The following PRKAR1A variants were observed in gnomAD, a reference collection of about 807,000 sequenced individuals.
PRKAR1A encodes protein kinase cAMP-dependent type I regulatory subunit alpha, also known as cAMP-dependent protein kinase type I-alpha regulatory subunit.
A neutral mutation model predicts 52.0 loss-of-function variants in PRKAR1A; 3 were observed. That is an observed-to-expected ratio of 0.06 (90% CI 0.03 to 0.15). The LOEUF is 0.15. Among genes scored for constraint, PRKAR1A ranks in the 10% least tolerant of loss-of-function variants. PRKAR1A has a pLI of 1.00. For missense variants in PRKAR1A, 240 were observed against 477.4 expected, an observed-to-expected ratio of 0.50 and a Z score of 4.63; for synonymous variants, 188 against 168.4, an observed-to-expected ratio of 1.12 and a Z score of -0.90.
chr17:68,440,138 T>C, the PRKAR1A span, among the ~76,000 whole-genome samples: 1 of 152,202 alleles, frequency 6.6e-6, no homozygotes, highest in Non-Finnish European at 1.5e-5. Context: ...ACCACTTATT[T>C]GACAGTTTTG....
At chr17:68,528,006 C>A in intron 8 of PRKAR1A, 106 bp downstream of exon 8, 1 of 994,226 alleles carries the variant, frequency 1.0e-6, no homozygotes, top group Non-Finnish European at 1.6e-6. Context: ...TACTCATTCC[C>A]CCTGAAAAGA....
chr17:68,545,329 C>T (rs193252635), intron 11 of PRKAR1A, among the ~76,000 whole-genome samples: 44 of 152,284 alleles, frequency 2.9e-4, no homozygotes, highest in Non-Finnish European at 4.1e-4. Context: ...GGAGATATTG[C>T]AGGTTTGCTT....
At chr17:68,480,357 G>T in the PRKAR1A span, among the ~76,000 whole-genome samples, 1 of 152,108 alleles carries the variant, frequency 6.6e-6, no homozygotes, top group Non-Finnish European at 1.5e-5. Flanking sequence ...TTCCAGGGAG[G>T]TTTTTGTTTC....
the PRKAR1A span, among the ~76,000 whole-genome samples, chr17:68,491,684 C>A: frequency 4.9e-3 from 738 of 152,044 alleles, 4 homozygotes; most frequent in Non-Finnish European, 7.4e-3. Context: ...ATTCATTTGC[C>A]CTCTTGACAT....
chr17:68,533,075 C>T lies in PRKAR1A; in HGVS notation c.*2626C>T. ...TGGTTCTGTGGCCTTGGAACTTTCC[C>T]AGACTTAATGGGGAAACATCATTTC... On this transcript the variant is annotated 3_prime_UTR_variant, in exon 11 of 11. Transcript: ENST00000589228. The T allele has an allele frequency of 9.4e-7, 1 of 1,065,594 alleles. No homozygotes were observed. The highest frequency in any genetic ancestry group is 1.1e-6 in the Non-Finnish European group (1 of 879,520). 66.0% of individuals were successfully genotyped at this position (1,065,594 alleles called of 1,614,324 possible).
At chr17:68,427,111 CCT>C in the PRKAR1A span, 7 of 1,588,728 alleles carry the variant, frequency 4.4e-6, no homozygotes, top group Non-Finnish European at 5.2e-6. Flanking sequence ...GAGATGCTCC[CCT>C]GTTGGCCCCG....
At chr17:68,451,844 G>A in the PRKAR1A span, among the ~76,000 whole-genome samples, 2 of 152,204 alleles carry the variant, frequency 1.3e-5, no homozygotes, top group African/African-American at 4.8e-5. Context: ...ACCCTCCTGA[G>A]CACAAAGGTT....
chr17:68,422,720 C>CTCTA, the PRKAR1A span: 1 of 107,236 alleles, frequency 9.3e-6, no homozygotes, highest in Non-Finnish European at 1.8e-5. Context: ...CAGAGTGAGA[C>CTCTA]TCTATCATCT....
chr17:68,420,547 A>G, the PRKAR1A span: 1 of 1,452,594 alleles, frequency 6.9e-7, no homozygotes, highest in Non-Finnish European at 9.5e-7. Flanking sequence ...CTCTTTACAA[A>G]CACACGCTTT....
the PRKAR1A span, chr17:68,434,756 T>C: frequency 7.0e-5 from 58 of 833,004 alleles, no homozygotes; most frequent in East Asian, 1.4e-3. Flanking sequence ...ACGTTGAGCA[T>C]AGAGGCATGT....
intron 11 of PRKAR1A, chr17:68,539,497 G>T: frequency 9.2e-7 from 1 of 1,086,878 alleles, no homozygotes; most frequent in Non-Finnish European, 1.4e-6. Flanking sequence ...AGAGATTGGG[G>T]TAAAATGCCA....
the PRKAR1A span, chr17:68,457,370 T>C: frequency 6.5e-7 from 1 of 1,542,474 alleles, no homozygotes; most frequent in Non-Finnish European, 8.7e-7. Context: ...GAGAAGCAGC[T>C]GAGCGCCGAC....
chr17:68,530,488 T>G lies in PRKAR1A; in HGVS notation c.*39T>G, dbSNP rs768256259. ...TGCCTCCCTTTTCTCCTCTCCCCAA[T>G]CCATGCTTCACTCATGCAAACTGCT... On this transcript the variant is annotated 3_prime_UTR_variant, in exon 11 of 11. Transcript: ENST00000589228. 6.2e-6 allele frequency: 10 copies of G among 1,613,834 alleles called. No homozygotes were observed. The highest frequency in any genetic ancestry group is 8.5e-6 in the Non-Finnish European group (10 of 1,179,850).
intron 2 of PRKAR1A, among the ~76,000 whole-genome samples, chr17:68,517,783 A>G (rs1205870538): frequency 6.6e-6 from 1 of 152,184 alleles, no homozygotes; most frequent in East Asian, 1.9e-4. Flanking sequence ...AGTCCCTCAG[A>G]GTCTTAACTC....
At chr17:68,548,723 A>ATTTTTT (rs200833117) in intron 11 of PRKAR1A, among the ~76,000 whole-genome samples, 9 of 117,944 alleles carry the variant, frequency 7.6e-5, no homozygotes, top group Non-Finnish European at 1.0e-4. Flanking sequence ...CTATGCCTGT[A>ATTTTTT]TATTTTTTTT....
the PRKAR1A span, among the ~76,000 whole-genome samples, chr17:68,464,206 A>G: frequency 6.6e-6 from 1 of 152,218 alleles, no homozygotes; most frequent in African/African-American, 2.4e-5. Flanking sequence ...AGCCTCTCCC[A>G]GACCCACTCG....
upstream of PRKAR1A, among the ~76,000 whole-genome samples, chr17:68,511,427 C>T (rs1215429249): frequency 6.6e-6 from 1 of 152,072 alleles, no homozygotes; most frequent in Non-Finnish European, 1.5e-5. Context: ...AGTCGCTTTT[C>T]CTCCGAATTT....
chr17:68,534,830 TTATG>T (rs2086059146), downstream of PRKAR1A, among the ~76,000 whole-genome samples: 1 of 152,176 alleles, frequency 6.6e-6, no homozygotes, highest in Non-Finnish European at 1.5e-5. Context: ...CACAGCAAGA[TTATG>T]TATTGATCGG....
At chr17:68,471,799 AGTT>A in the PRKAR1A span, among the ~76,000 whole-genome samples, 1 of 151,822 alleles carries the variant, frequency 6.6e-6, no homozygotes, top group Non-Finnish European at 1.5e-5. Context: ...TGAATGGCCT[AGTT>A]TCTTTTCTTT....
Sources: allele counts gnomAD v4.1 joint callset (sites outside exome capture counted in the v4.1 genomes callset), GRCh38; gene constraint gnomAD v4.1.1; transcripts MANE v1.5; gene names NCBI Gene and HGNC (gene_info 2026-07-23, HGNC 2026-07-21).